Variants in CNTNAP2 observed in about 807,000 individuals in gnomAD.
CNTNAP2 encodes contactin-associated protein-like 2.
A neutral mutation model predicts 155.2 loss-of-function variants in CNTNAP2; 98 were observed. That is an observed-to-expected ratio of 0.63 (90% confidence interval 0.54 to 0.75). The LOEUF (loss-of-function observed/expected upper bound fraction) is 0.75, where lower values mean the gene tolerates loss of function less well. Ranked by LOEUF, CNTNAP2 falls within the 30% of genes least tolerant of loss-of-function variation. The pLI is 0.00. For synonymous variants in CNTNAP2, 651 were observed against 631.2 expected (o/e 1.03, Z -0.47); for missense variants, 1,727 against 1,688.1 (o/e 1.02, Z -0.40).
rs938606601 is a variant in CNTNAP2 at position 147,661,966 on chromosome 7, C to G, written c.2098+22660C>G. Among the ~76,000 whole-genome samples the G allele has an allele frequency of 8.5e-5, 13 of 152,154 alleles. No individual in the cohort carries two copies. The South Asian group carries it at 1.0e-3, about 12-fold the overall frequency. ...TCAAAGCCATTTGCCCTTCCTTTGT[C>G]TCTAATAAAATTACCAAGGACCTCT... On this transcript the variant is annotated intron_variant, in intron 13 of 23. Coordinates refer to ENST00000361727, the MANE Select transcript of CNTNAP2 (RefSeq NM_014141.6).
chr7:146,858,837 C>T (rs1252856783), intron 3 of CNTNAP2, among the ~76,000 whole-genome samples: 1 of 152,062 alleles, frequency 6.6e-6, no homozygotes, highest in East Asian at 1.9e-4. Context: ...ATATTCTTCT[C>T]CTTTAGATAT....
rs549986399 is a variant in CNTNAP2, at chr7:147,474,564, C to A, written c.1671-11371C>A. Among the ~76,000 whole-genome samples the A allele has an allele frequency of 3.8e-4, 57 of 151,224 alleles. 1 individual carries two copies. The highest frequency in any genetic ancestry group is 2.1e-4 in the Non-Finnish European group (14 of 67,828). Reference sequence around the variant, plus strand: ...CACCATTGCACTCCAGCCTGGGGAACAAGAGTGAGATTTTGTCTGAAAAAA... The same window carrying A: ...CACCATTGCACTCCAGCCTGGGGAAAAAGAGTGAGATTTTGTCTGAAAAAA... On this transcript the variant is annotated intron_variant, in intron 10 of 23. Transcript: ENST00000361727.
chr7:146,762,380 G>A (rs1802117349), intron 1 of CNTNAP2, among the ~76,000 whole-genome samples: 1 of 151,958 alleles, frequency 6.6e-6, no homozygotes, highest in Admixed American at 6.6e-5. Context: ...GCGGGAGGAT[G>A]ACAAAGTCAA....
chr7:147,132,279 C>A lies in CNTNAP2; in HGVS notation c.1118C>A (p.Thr373Lys), dbSNP rs149576292. The A allele has an allele frequency of 3.7e-6, 6 of 1,613,686 alleles. No individual in the cohort carries two copies. Among genetic ancestry groups the A allele is most frequent in the Non-Finnish European group, 5.1e-6 (6 of 1,179,766 alleles). Residue 373 changes from threonine (T) to lysine (K), a missense_variant, in exon 8 of 24, where the codon ACG becomes AAG. Physicochemically the swap from Thr to Lys is moderately conservative, Grantham distance 78 (BLOSUM62 -1). Coordinates refer to ENST00000361727, the MANE Select transcript of CNTNAP2 (RefSeq NM_014141.6). ...NLSFSCVEPY[T>K]VPVFFNATSY... ...AGCTTTTCTTGTGTGGAACCCTATA[C>A]GGTGCCTGTCTTTTTCAACGCTACA...
At chr7:146,129,279 G>A (rs983936575) in intron 1 of CNTNAP2, among the ~76,000 whole-genome samples, 1 of 152,112 alleles carries the variant, frequency 6.6e-6, no homozygotes, top group African/African-American at 2.4e-5. Flanking sequence ...AAATAAAAAT[G>A]ACATTGTTTC....
At chr7:146,470,694 C>G (rs565948236) in intron 1 of CNTNAP2, among the ~76,000 whole-genome samples, 1 of 152,018 alleles carries the variant, frequency 6.6e-6, no homozygotes, top group Non-Finnish European at 1.5e-5. Context: ...CTCAGCCTCC[C>G]GAGTAGCTGG....
At chr7:147,133,675 C>T (rs892254634) in intron 8 of CNTNAP2, among the ~76,000 whole-genome samples, 2 of 151,960 alleles carry the variant, frequency 1.3e-5, no homozygotes, top group Non-Finnish European at 2.9e-5. Flanking sequence ...CAGAATATCC[C>T]CTGCTATAGA....
intron 17 of CNTNAP2, among the ~76,000 whole-genome samples, chr7:148,153,020 CAAAAAAAA>C (rs373499312): frequency 4.9e-4 from 11 of 22,680 alleles, no homozygotes; most frequent in Non-Finnish European, 6.9e-4. Flanking sequence ...GACTCCGTCT[CAAAAAAAA>C]AAAAAAAAAA....
At chr7:147,635,198 A>ATATATATATG (rs1554415300) in intron 12 of CNTNAP2, among the ~76,000 whole-genome samples, 3 of 149,200 alleles carry the variant, frequency 2.0e-5, no homozygotes, top group African/African-American at 7.6e-5. Flanking sequence ...ATATATATAT[A>ATATATATATG]TATGTTTAAT....
In CNTNAP2 at chr7:147,390,288, TAGC is replaced by T. The variant is rs138448658; in HGVS notation, c.1499-5318_1499-5316del. Among the ~76,000 whole-genome samples the T allele has an allele frequency of 9.8e-3, 1,495 of 152,316 alleles. 24 individuals carry two copies. Among genetic ancestry groups the T allele is most frequent in the African/African-American group, 0.033 (1,355 of 41,552 alleles). On this transcript the variant is annotated intron_variant, in intron 9 of 23. Transcript: ENST00000361727. ...TATTAAAACTGATTTGAGATTATAA[TAGC>T]AGGATGTGTTTGTTATACTTTGTAT...
intron 11 of CNTNAP2, among the ~76,000 whole-genome samples, chr7:147,497,990 G>A (rs1005900993): frequency 2.6e-5 from 4 of 152,094 alleles, no homozygotes; most frequent in African/African-American, 9.7e-5. Flanking sequence ...TCAATAATAA[G>A]GATTCCTGCC....
Position 147,859,027 on chromosome 7 carries a change from G to A in CNTNAP2, c.2099-44538G>A, listed in dbSNP as rs542335661. On this transcript the variant is annotated intron_variant, in intron 13 of 23. Coordinates refer to ENST00000361727, the MANE Select transcript of CNTNAP2 (RefSeq NM_014141.6). ...GGAAACCAAAGTTCTATCCTTAAGC[G>A]AATATAAGATGTAAGTTCACAGATA... 3.8e-4 allele frequency among the ~76,000 whole-genome samples: 58 copies of A among 152,226 alleles called. 1 individual carries two copies. Among genetic ancestry groups the A allele is most frequent in the African/African-American group, 1.3e-3 (56 of 41,530 alleles).
At chr7:148,284,424 C>A (rs950071009) in intron 21 of CNTNAP2, among the ~76,000 whole-genome samples, 10 of 152,052 alleles carry the variant, frequency 6.6e-5, no homozygotes, top group Admixed American at 2.0e-4. Context: ...GAGGCCTCCC[C>A]AGCCATGTGG....
chr7:147,802,282 A>T (rs1798011335), intron 13 of CNTNAP2, among the ~76,000 whole-genome samples: 1 of 143,586 alleles, frequency 7.0e-6, no homozygotes, highest in Non-Finnish European at 1.5e-5. Context: ...GACGCTCCTC[A>T]CTTTCCAGAC....
intron 9 of CNTNAP2, among the ~76,000 whole-genome samples, chr7:147,364,190 A>G (rs1161446842): frequency 6.6e-6 from 1 of 152,220 alleles, no homozygotes; most frequent in Non-Finnish European, 1.5e-5. Flanking sequence ...GCTAGTCTAC[A>G]TGCTGCTAAG....
chr7:148,155,391 G>T (rs1052175772), intron 17 of CNTNAP2, among the ~76,000 whole-genome samples: 1 of 152,176 alleles, frequency 6.6e-6, no homozygotes, highest in African/African-American at 2.4e-5. Context: ...AAGGGCAGGA[G>T]AATTTTGTTT....
chr7:146,525,055 T>C (rs1286799046), intron 1 of CNTNAP2, among the ~76,000 whole-genome samples: 1 of 151,820 alleles, frequency 6.6e-6, no homozygotes, highest in Non-Finnish European at 1.5e-5. Context: ...TTTTCTAGAA[T>C]AAAAAGTATA....
At chr7:146,127,899 C>T (rs919993254) in intron 1 of CNTNAP2, among the ~76,000 whole-genome samples, 7 of 152,030 alleles carry the variant, frequency 4.6e-5, no homozygotes, top group Non-Finnish European at 8.8e-5. Context: ...TATGAAATGT[C>T]AATGAATTTC....
chr7:147,242,987 A>T lies in CNTNAP2; in HGVS notation c.1349-57154A>T, dbSNP rs1320137575. On this transcript the variant is annotated intron_variant, in intron 8 of 23. Transcript: ENST00000361727. ...TGTTGTATTCCACACTATGCTTTGC[A>T]TTTTTTTTTTTTTTTTTTTTTTTTT... 1.6e-3 allele frequency among the ~76,000 whole-genome samples: 77 copies of T among 47,126 alleles called. 1 individual carries two copies. Among genetic ancestry groups the T allele is most frequent in the Middle Eastern group, 0.045 (1 of 22 alleles). 30.9% of individuals were successfully genotyped at this position (47,126 alleles called of 152,430 possible). A position where few individuals can be genotyped will look rare whatever the true frequency, so the allele number is the denominator to read the frequency against.
Sources: allele counts gnomAD v4.1 joint callset (sites outside exome capture counted in the v4.1 genomes callset), GRCh38; gene constraint gnomAD v4.1.1; transcripts MANE v1.5; gene names NCBI Gene and HGNC (gene_info 2026-07-23, HGNC 2026-07-21).